The following NFATC2 variants were observed in gnomAD, a reference collection of about 807,000 sequenced individuals.
NFATC2 encodes nuclear factor of activated T-cells, cytoplasmic 2.
NFATC2 carries 22 observed loss-of-function variants against 87.3 expected under a neutral mutation model. The observed-to-expected ratio is 0.25, with a 90% CI of 0.18 to 0.36. NFATC2 has a LOEUF of 0.36. Ranked by LOEUF, NFATC2 falls within the 10% of genes least tolerant of loss-of-function variation. The pLI, the probability that NFATC2 is intolerant of heterozygous loss-of-function variation, is 1.00. For missense variants in NFATC2, 1,149 were observed against 1,259.1 expected (o/e 0.91, Z 1.32); for synonymous variants, 565 against 542.2 (o/e 1.04, Z -0.58).
intron 3 of NFATC2, among the ~76,000 whole-genome samples, chr20:51,478,056 G>A (rs927975334): frequency 5.9e-5 from 9 of 152,134 alleles, no homozygotes; most frequent in Non-Finnish European, 1.2e-4. Flanking sequence ...GCATGCTCAT[G>A]TCCCCTTCTA....
intron 9 of NFATC2, among the ~76,000 whole-genome samples, chr20:51,402,196 C>T (rs183570481): frequency 1.8e-4 from 28 of 152,254 alleles, no homozygotes; most frequent in East Asian, 1.7e-3. Context: ...CTAAGCTGCC[C>T]GACAAGGAAG....
chr20:51,535,947 A>G (rs547160791), intron 1 of NFATC2, among the ~76,000 whole-genome samples: 2 of 152,098 alleles, frequency 1.3e-5, no homozygotes, highest in East Asian at 3.9e-4. Flanking sequence ...CAATCTCCCC[A>G]CTCTGCATGT....
At chr20:51,466,881 G>C (rs1987736753) in intron 5 of NFATC2, among the ~76,000 whole-genome samples, 1 of 152,084 alleles carries the variant, frequency 6.6e-6, no homozygotes, top group African/African-American at 2.4e-5. Flanking sequence ...AGACCAGCCT[G>C]GTCAACATGG....
intron 9 of NFATC2, among the ~76,000 whole-genome samples, chr20:51,400,587 CA>C (rs1218930462): frequency 6.6e-6 from 1 of 152,164 alleles, no homozygotes; most frequent in Non-Finnish European, 1.5e-5. Context: ...TTCGGAGGTG[CA>C]GCTTCCTGTT....
chr20:51,454,550 G>T lies in NFATC2; in HGVS notation c.1847C>A (p.Thr616Lys). 6.2e-7 allele frequency: 1 copy of T among 1,614,012 alleles called. No homozygotes were observed. The highest frequency in any genetic ancestry group is 8.5e-7 in the Non-Finnish European group (1 of 1,180,006). The change falls in exon 6 of 11, where the codon ACA becomes AAA. Residue 616 changes from threonine to lysine, a missense_variant and splice_region_variant. Thr to Lys is a moderately conservative substitution (Grantham distance 78). This residue lies in a region of NFATC2 where 581 missense variants were observed against 649.7 expected (regional missense o/e 0.89). Transcript: ENST00000371564. ...ESKVVFTEKT[T>K]DGQQIWEMEA... ...AAAGAGCTCAAAAATCCACTGACCTGTGGTCTTCTCAGTAAACACAACTTT... is the reference window on the plus strand; with the variant it reads ...AAAGAGCTCAAAAATCCACTGACCTTTGGTCTTCTCAGTAAACACAACTTT...
rs200976633 is a variant in NFATC2 at position 51,516,880 on chromosome 20, G to A, written c.1236C>T (p.Ile412=). 8 of 1,614,140 alleles carry A rather than the reference G, an allele frequency of 5.0e-6. No homozygotes were observed. Among genetic ancestry groups the A allele is most frequent in the East Asian group, 2.2e-5 (1 of 44,890 alleles). ...GGTGATGTGGCTTGGGCTGCACCTC[G>A]ATCCGCAGCTCGTAAGAGCCTGACT... ...SSQSGSYELR[I]EVQPKPHHRA... is the part of the protein sequence containing the mutation. The change falls in exon 3 of 11, where the codon ATC becomes ATT. Residue 412 remains isoleucine (I), a synonymous_variant. Coordinates refer to ENST00000371564, the MANE Select transcript of NFATC2 (RefSeq NM_012340.5).
intron 9 of NFATC2, among the ~76,000 whole-genome samples, chr20:51,415,939 G>T (rs1326077131): frequency 6.6e-6 from 1 of 152,094 alleles, no homozygotes; most frequent in African/African-American, 2.4e-5. Context: ...GAAGTCCAGG[G>T]AAAAAGAAAA....
At chr20:51,427,282 C>T (rs1981976717) in intron 9 of NFATC2, among the ~76,000 whole-genome samples, 4 of 152,150 alleles carry the variant, frequency 2.6e-5, no homozygotes, top group Admixed American at 2.6e-4. Flanking sequence ...CCACAGAGCG[C>T]TAGTAAAAGT....
intron 9 of NFATC2, among the ~76,000 whole-genome samples, chr20:51,427,506 C>T (rs1362213270): frequency 6.6e-6 from 1 of 152,220 alleles, no homozygotes; most frequent in Non-Finnish European, 1.5e-5. Flanking sequence ...CCATCATGCT[C>T]CTGTCACGGG....
intron 9 of NFATC2, among the ~76,000 whole-genome samples, chr20:51,405,415 G>A (rs1358191378): frequency 8.3e-6 from 1 of 120,508 alleles, no homozygotes; most frequent in Non-Finnish European, 1.8e-5. Context: ...GGGTGTGCAG[G>A]CGCCATGACC....
chr20:51,507,431 A>T (rs2076202840), intron 3 of NFATC2, among the ~76,000 whole-genome samples: 1 of 152,126 alleles, frequency 6.6e-6, no homozygotes. Context: ...CAGGCTCAGG[A>T]ATCTAAGGCT....
intron 1 of NFATC2, among the ~76,000 whole-genome samples, chr20:51,536,898 A>C (rs78532614): frequency 2.3e-3 from 344 of 149,786 alleles, no homozygotes; most frequent in Non-Finnish European, 4.0e-3. Context: ...GCAAGCACCA[A>C]ACACACACAC....
intron 1 of NFATC2, among the ~76,000 whole-genome samples, chr20:51,555,476 C>G (rs1036792827): frequency 3.3e-5 from 5 of 152,056 alleles, no homozygotes; most frequent in Admixed American, 3.3e-4. Context: ...GCCTGTAGTC[C>G]CAGCTACTTG....
At chr20:51,562,730 G>T (rs2077043405), upstream of NFATC2, 1 of 1,222,946 alleles carries the variant, frequency 8.2e-7, no homozygotes, top group Non-Finnish European at 1.2e-6. The surrounding 1 kb of genome is among the most constrained non-coding windows in gnomAD (Gnocchi z 5.8). Flanking sequence ...TGCCCGCGGG[G>T]CTGCCCTGGC....
chr20:51,404,634 T>C (rs555487993), intron 9 of NFATC2, among the ~76,000 whole-genome samples: 2 of 152,362 alleles, frequency 1.3e-5, no homozygotes, highest in Admixed American at 1.3e-4. Context: ...ACAGACTGAA[T>C]TGATGATGGC....
intron 1 of NFATC2, among the ~76,000 whole-genome samples, chr20:51,532,647 C>T (rs983848714): frequency 6.6e-6 from 1 of 152,364 alleles, no homozygotes; most frequent in East Asian, 1.9e-4. Context: ...CAGACGGACA[C>T]ACAGCCAAGT....
intron 9 of NFATC2, among the ~76,000 whole-genome samples, chr20:51,431,481 C>T (rs1982695411): frequency 1.3e-5 from 2 of 152,320 alleles, no homozygotes; most frequent in Middle Eastern, 3.4e-3. Flanking sequence ...CTGGGCTCAC[C>T]ACAGCGGAAG....
intron 9 of NFATC2, among the ~76,000 whole-genome samples, chr20:51,427,921 G>A (rs997367813): frequency 2.6e-5 from 4 of 152,120 alleles, no homozygotes; most frequent in African/African-American, 7.2e-5. Context: ...TGTCTGTCTC[G>A]CTTACCTACT....
intron 9 of NFATC2, among the ~76,000 whole-genome samples, chr20:51,429,964 G>A (rs1017921886): frequency 9.9e-5 from 15 of 152,034 alleles, no homozygotes; most frequent in African/African-American, 3.6e-4. Context: ...AAGGGCCTCA[G>A]GAGGCCCAAA....
Sources: gnomAD v4.1 joint callset for allele counts (sites outside exome capture counted in the v4.1 genomes callset) on GRCh38, gnomAD v4.1.1 for gene constraint, gnomAD v4.1.1 regional missense constraint, Gnocchi (gnomAD v3.1) non-coding constraint, MANE v1.5 for transcripts, NCBI Gene and HGNC (gene_info 2026-07-23, HGNC 2026-07-21) for gene names.